Variants in KCNH5 observed in about 807,000 individuals in gnomAD.
KCNH5 encodes voltage-gated delayed rectifier potassium channel KCNH5.
In KCNH5, 46 loss-of-function variants were observed where a neutral mutation model predicts 96.1. That is an observed-to-expected ratio of 0.48 (90% CI 0.38 to 0.61). The LOEUF is 0.61. KCNH5 is among the 20% of genes least tolerant of loss of function. KCNH5 has a pLI of 0.00. For synonymous variants in KCNH5, 439 were observed against 449.8 expected (o/e 0.98, Z 0.30); for missense variants, 907 against 1,225.8 (o/e 0.74, Z 3.88).
chr14:62,871,120 G>C (rs1337995774), intron 7 of KCNH5, among the ~76,000 whole-genome samples: 1 of 152,286 alleles, frequency 6.6e-6, no homozygotes, highest in East Asian at 1.9e-4. Context: ...CTTGTCTTCA[G>C]ATTTTTTGAT....
intron 6 of KCNH5, among the ~76,000 whole-genome samples, chr14:62,964,751 C>T (rs2085772118): frequency 6.6e-6 from 1 of 152,106 alleles, no homozygotes; most frequent in African/African-American, 2.4e-5. Context: ...GGAATATAAT[C>T]ATCAAGAAAG....
intron 7 of KCNH5, among the ~76,000 whole-genome samples, chr14:62,925,124 C>G (rs1289276824): frequency 6.6e-6 from 1 of 151,748 alleles, no homozygotes; most frequent in African/African-American, 2.4e-5. Context: ...TAAAAATAAA[C>G]AAACAAGAAA....
At chr14:62,712,804 G>A (rs1345220092) in intron 10 of KCNH5, 4 of 722,342 alleles carry the variant, frequency 5.5e-6, no homozygotes, top group Admixed American at 2.0e-5. Context: ...GTGCGAGGCA[G>A]TCTCTAGACT....
chr14:62,728,647 A>T (rs1884986654), intron 10 of KCNH5, among the ~76,000 whole-genome samples: 1 of 152,210 alleles, frequency 6.6e-6, no homozygotes, highest in Non-Finnish European at 1.5e-5. Context: ...ATCGTCATTC[A>T]TATATTCATT....
chr14:62,989,565 C>T (rs116742711), intron 4 of KCNH5, among the ~76,000 whole-genome samples: 1,935 of 152,110 alleles, frequency 0.013, 46 homozygotes, highest in African/African-American at 0.045. Context: ...AAAGCATTAC[C>T]TGGATGCTTC....
chr14:62,716,571 T>C (rs1189939287), intron 10 of KCNH5, among the ~76,000 whole-genome samples: 2 of 152,168 alleles, frequency 1.3e-5, no homozygotes, highest in African/African-American at 2.4e-5. Flanking sequence ...CCTCACCCAC[T>C]GGAGAACTCC....
chr14:63,025,238 C>A (rs1463567848), intron 1 of KCNH5, among the ~76,000 whole-genome samples: 1 of 151,896 alleles, frequency 6.6e-6, no homozygotes, highest in East Asian at 1.9e-4. Context: ...TGTACCTCAA[C>A]ACAATAAAGG....
At chr14:62,992,842 A>C (rs892369626) in intron 4 of KCNH5, among the ~76,000 whole-genome samples, 1 of 151,828 alleles carries the variant, frequency 6.6e-6, no homozygotes, top group Admixed American at 6.6e-5. Flanking sequence ...GTCTGTTTTC[A>C]TTTTTGTTGC....
chr14:62,919,114 A>G (rs1424818253), intron 7 of KCNH5, among the ~76,000 whole-genome samples: 3 of 152,144 alleles, frequency 2.0e-5, no homozygotes, highest in Non-Finnish European at 4.4e-5. Flanking sequence ...AGTGTAGTAT[A>G]GTTTCATACA....
At chr14:62,875,411 T>C (rs546990368) in intron 7 of KCNH5, among the ~76,000 whole-genome samples, 1 of 152,184 alleles carries the variant, frequency 6.6e-6, no homozygotes, top group African/African-American at 2.4e-5. Flanking sequence ...AGAACAAAGC[T>C]GGAGGCATCA....
chr14:62,951,962 CAAAAA>C (rs36114434), intron 6 of KCNH5, among the ~76,000 whole-genome samples: 54 of 105,538 alleles, frequency 5.1e-4, no homozygotes, highest in Non-Finnish European at 8.5e-4. Flanking sequence ...GACTCCGTCT[CAAAAA>C]AAAAAAAAAA....
intron 7 of KCNH5, among the ~76,000 whole-genome samples, chr14:62,873,034 C>T (rs2140068176): frequency 6.6e-6 from 1 of 151,772 alleles, no homozygotes; most frequent in Non-Finnish European, 1.5e-5. Flanking sequence ...CCTGTAGTCC[C>T]AGCTACTCAG....
chr14:62,819,090 C>T (rs1252166007), intron 8 of KCNH5, among the ~76,000 whole-genome samples: 1 of 152,112 alleles, frequency 6.6e-6, no homozygotes, highest in Non-Finnish European at 1.5e-5. Context: ...CCTCAGCCTC[C>T]CGAGTAGCTG....
intron 10 of KCNH5, among the ~76,000 whole-genome samples, chr14:62,752,877 C>T (rs1200434084): frequency 3.9e-5 from 6 of 152,122 alleles, no homozygotes; most frequent in Non-Finnish European, 8.8e-5. Flanking sequence ...TTCCTGAGGC[C>T]TTCCCAGTCA....
chr14:63,036,871 T>C (rs1265987830), intron 1 of KCNH5, among the ~76,000 whole-genome samples: 1 of 151,976 alleles, frequency 6.6e-6, no homozygotes, highest in African/African-American at 2.4e-5. Flanking sequence ...GGAATATAGT[T>C]TCAAACCTTG....
chr14:62,963,370 T>A (rs1890248602), intron 6 of KCNH5, among the ~76,000 whole-genome samples: 1 of 152,054 alleles, frequency 6.6e-6, no homozygotes, highest in African/African-American at 2.4e-5. Context: ...AATAACTGTA[T>A]ATAGATGTTG....
intron 7 of KCNH5, among the ~76,000 whole-genome samples, chr14:62,915,979 G>C (rs1247215924): frequency 6.9e-6 from 1 of 145,836 alleles, no homozygotes; most frequent in African/African-American, 2.6e-5. Context: ...TTTTGAGATG[G>C]AGTCTCGCTT....
chr14:63,003,494 ATATATATATTT>A lies in KCNH5; in HGVS notation c.305-2046_305-2036del, dbSNP rs1193195034. Among the ~76,000 whole-genome samples, 183 of 124,530 alleles carry A rather than the reference ATATATATATTT, an allele frequency of 1.5e-3. 4 individuals are homozygous for A. The highest frequency in any genetic ancestry group is 8.6e-3 in the Admixed American group (94 of 10,882). 81.7% of individuals were successfully genotyped at this position (124,530 alleles called of 152,430 possible). On this transcript the variant is annotated intron_variant, in intron 3 of 10. Coordinates refer to ENST00000322893, the MANE Select transcript of KCNH5 (RefSeq NM_139318.5). ...ATATTATATATATTTTATATATATT[ATATATATATTT>A]TATATATATTTTATATATTTTATAT... is the stretch of plus-strand genomic sequence containing the variant.
intron 9 of KCNH5, among the ~76,000 whole-genome samples, chr14:62,782,173 A>T (rs1045142719): frequency 2.0e-5 from 3 of 152,128 alleles, no homozygotes; most frequent in African/African-American, 7.2e-5. Flanking sequence ...AATGAGAGAG[A>T]GACAAAGACA....
Sources: gnomAD v4.1 joint callset for allele counts (sites outside exome capture counted in the v4.1 genomes callset) on GRCh38, gnomAD v4.1.1 for gene constraint, MANE v1.5 for transcripts, NCBI Gene and HGNC (gene_info 2026-07-23, HGNC 2026-07-21) for gene names.